RYR2: variants seen among roughly 807,000 people sequenced by gnomAD.
RYR2 encodes cardiac muscle ryanodine receptor-calcium release channel.
In RYR2, 227 loss-of-function variants were observed where a neutral mutation model predicts 601.1. That is an observed-to-expected ratio of 0.38 (90% CI 0.34 to 0.42). The LOEUF is 0.42. Ranked by LOEUF, RYR2 falls within the 10% of genes least tolerant of loss-of-function variation. RYR2 has a pLI of 1.00. For synonymous variants in RYR2, 2,223 were observed against 2,175.1 expected (o/e 1.02, Z -0.61); for missense variants, 4,646 against 6,156.5 (o/e 0.75, Z 8.21).
At chr1:237,167,506 A>C (rs1391612166) in intron 1 of RYR2, among the ~76,000 whole-genome samples, 1 of 152,166 alleles carries the variant, frequency 6.6e-6, no homozygotes, top group Non-Finnish European at 1.5e-5. Context: ...AGACTCGGTG[A>C]ATATAATAGC....
Position 237,435,532 on chromosome 1 carries a change from G to A in RYR2, c.1006-5787G>A, listed in dbSNP as rs186036780. On this transcript the variant is annotated intron_variant, in intron 12 of 104. Coordinates refer to ENST00000366574, the MANE Select transcript of RYR2 (RefSeq NM_001035.3). ...TTTTGCAGTAGTCTTTTCTCAAGGG[G>A]CATTGATACACTGATAAAATAGTGC... is the stretch of plus-strand genomic sequence containing the variant. Among the ~76,000 whole-genome samples, 5 of 152,210 alleles carry A rather than the reference G, an allele frequency of 3.3e-5. No homozygotes were observed. The East Asian group carries it at 9.7e-4, about 29-fold the overall frequency.
At chr1:237,224,013 C>G (rs1684097830) in intron 1 of RYR2, among the ~76,000 whole-genome samples, 1 of 152,176 alleles carries the variant, frequency 6.6e-6, no homozygotes, top group Non-Finnish European at 1.5e-5. Context: ...AGAATGGAAT[C>G]TAACTCATCA....
At chr1:237,394,746 T>G (rs1702671189) in intron 10 of RYR2, among the ~76,000 whole-genome samples, 1 of 152,202 alleles carries the variant, frequency 6.6e-6, no homozygotes, top group Non-Finnish European at 1.5e-5. Context: ...TCTAAGGCCC[T>G]GCCACTATCT....
chr1:237,547,800 C>A (rs1236753693), intron 25 of RYR2, among the ~76,000 whole-genome samples: 1 of 152,142 alleles, frequency 6.6e-6, no homozygotes, highest in Non-Finnish European at 1.5e-5. Context: ...TAGAAGCAGT[C>A]TCTGCTAAGA....
chr1:237,769,056 T>G (rs144214259), intron 84 of RYR2, among the ~76,000 whole-genome samples: 1,648 of 152,340 alleles, frequency 0.011, 18 homozygotes, highest in Middle Eastern at 0.02. Context: ...TTTCAGTGTT[T>G]TTCTGAATAC....
At chr1:237,200,294 C>T (rs1381599257) in intron 1 of RYR2, among the ~76,000 whole-genome samples, 1 of 151,730 alleles carries the variant, frequency 6.6e-6, no homozygotes, top group African/African-American at 2.4e-5. Context: ...GGTAGAGTCT[C>T]ACTCTGTTGC....
chr1:237,422,511 C>T (rs1558791593), intron 11 of RYR2, among the ~76,000 whole-genome samples: 3 of 151,818 alleles, frequency 2.0e-5, no homozygotes, highest in South Asian at 2.1e-4. Context: ...TTGTTCATCG[C>T]GTTCTAATAA....
At chr1:237,079,497 G>A in intron 1 of RYR2, among the ~76,000 whole-genome samples, 1 of 40,504 alleles carries the variant, frequency 2.5e-5, no homozygotes, top group Non-Finnish European at 4.0e-5. Context: ...GACAAACAGA[G>A]AGCCAAATCA....
chr1:237,435,841 G>A (rs1424886202), intron 12 of RYR2, among the ~76,000 whole-genome samples: 2 of 152,188 alleles, frequency 1.3e-5, no homozygotes, highest in Non-Finnish European at 2.9e-5. Flanking sequence ...CAGAACCAGT[G>A]GAGATATGTA....
At chr1:237,374,617 C>T in intron 6 of RYR2, 100 bp from the exon 7 acceptor site, 1 of 928,404 alleles carries the variant, frequency 1.1e-6, no homozygotes, top group Non-Finnish European at 1.7e-6. Flanking sequence ...GTGATCACGC[C>T]ACTGCACTTC....
chr1:237,256,151 A>G (rs1277942813), intron 1 of RYR2, among the ~76,000 whole-genome samples: 1 of 152,156 alleles, frequency 6.6e-6, no homozygotes, highest in Non-Finnish European at 1.5e-5. Context: ...GGTAGTGAAT[A>G]AATCTCATGA....
At chr1:237,660,987 A>G in intron 56 of RYR2, 40 bp downstream of exon 56, 1 of 1,280,402 alleles carries the variant, frequency 7.8e-7, no homozygotes, top group Non-Finnish European at 1.0e-6. Context: ...TGTTTATGTT[A>G]TGGATTAAAT....
At chr1:237,187,365 T>A (rs1488082884) in intron 1 of RYR2, among the ~76,000 whole-genome samples, 1 of 150,858 alleles carries the variant, frequency 6.6e-6, no homozygotes, top group Non-Finnish European at 1.5e-5. Flanking sequence ...GTTGTCTCGA[T>A]CTCCTGACCT....
At chr1:237,423,360 T>A in intron 12 of RYR2, 112 bp downstream of exon 12, 1 of 1,260,534 alleles carries the variant, frequency 7.9e-7, no homozygotes, top group South Asian at 1.5e-5. Context: ...ATGTCTTATG[T>A]GTATTTCTAA....
intron 91 of RYR2, among the ~76,000 whole-genome samples, chr1:237,787,602 A>C (rs1175794881): frequency 2.7e-5 from 4 of 149,490 alleles, no homozygotes; most frequent in East Asian, 3.9e-4. Flanking sequence ...AAAAACAAAA[A>C]AAAAAAAAAA....
rs75202294 is a variant in RYR2 at position 237,191,631 on chromosome 1, A to G, written c.49-78866A>G. Among the ~76,000 whole-genome samples, 30 of 152,290 alleles carry G rather than the reference A, an allele frequency of 2.0e-4. 2 individuals carry two copies. The East Asian group carries it at 5.6e-3, about 28-fold the overall frequency. On this transcript the variant is annotated intron_variant, in intron 1 of 104. Transcript: ENST00000366574. ...TTGAGGCTGGATAAAAGAACGGCAC[A>G]ATCAAACCGTGCAGTGCAGTCTGTG...
chr1:237,354,143 G>T (rs1405596766), intron 3 of RYR2, among the ~76,000 whole-genome samples: 1 of 152,174 alleles, frequency 6.6e-6, no homozygotes, highest in Non-Finnish European at 1.5e-5. Flanking sequence ...CAGCAATGCT[G>T]TTGCTAAGCT....
At chr1:237,712,343 A>G (rs1002618731) in intron 71 of RYR2, among the ~76,000 whole-genome samples, 2 of 151,992 alleles carry the variant, frequency 1.3e-5, no homozygotes, top group African/African-American at 4.8e-5. Flanking sequence ...CCCAGAGTAT[A>G]AGAGCCCGAT....
chr1:237,441,447 C>G lies in RYR2; in HGVS notation c.1134C>G (p.Asp378Glu). Residue 378 changes from aspartate (D) to glutamate (E), a missense_variant, in exon 13 of 105, where the codon GAC becomes GAG. Coordinates refer to ENST00000366574, the MANE Select transcript of RYR2 (RefSeq NM_001035.3). The stretch of plus-strand genomic sequence containing the variant: ...TATGGCTTACTTACCAGTCTGTGGA[C>G]GTGAAATCCGTGAGAATGGGATCTA... ...TGLWLTYQSV[D>E]VKSVRMGSIQ... 6.3e-7 allele frequency: 1 copy of G among 1,596,900 alleles called. No homozygotes were observed.
Sources: allele counts gnomAD v4.1 joint callset (sites outside exome capture counted in the v4.1 genomes callset), GRCh38; gene constraint gnomAD v4.1.1; transcripts MANE v1.5; gene names NCBI Gene and HGNC (gene_info 2026-07-23, HGNC 2026-07-21).